Variants in TRPV1 observed in about 807,000 individuals in gnomAD.
TRPV1 encodes OTRPC1.
In TRPV1, 82 loss-of-function variants were observed where a neutral mutation model predicts 82.3. The ratio of observed to expected loss-of-function variants is 1.00; its 90% CI spans 0.83 to 1.20. The LOEUF (loss-of-function observed/expected upper bound fraction) is 1.20, where lower values mean the gene tolerates loss of function less well. Ranked by LOEUF, TRPV1 falls within the 50% of genes most tolerant of loss-of-function variation. The pLI, the probability that TRPV1 is intolerant of heterozygous loss-of-function variation, is 0.00. For synonymous variants in TRPV1, 515 were observed against 467.7 expected (o/e 1.10, Z -1.30); for missense variants, 1,067 against 1,096.8 (o/e 0.97, Z 0.38).
rs977622516 is a variant in TRPV1, at chr17:3,588,183, C to T, written c.1224+5G>A. 1.3e-6 allele frequency: 2 copies of T among 1,554,770 alleles called. No homozygotes were observed. The highest frequency in any genetic ancestry group is 1.4e-5 in the African/African-American group (1 of 73,216). ...GCCCTCCCTGGCTGTGCCCCAGCCA[C>T]TCACAGGGGTCTCGCTGCTGCTGTA... On this transcript the variant is annotated splice_donor_5th_base_variant and intron_variant, in intron 8 of 16. Coordinates refer to ENST00000572705, the MANE Select transcript of TRPV1 (RefSeq NM_080704.4).
rs749057696 is a variant in TRPV1, at chr17:3,592,213, G to A, written c.138C>T (p.Arg46=). 3.3e-5 allele frequency: 53 copies of A among 1,612,760 alleles called. No individual in the cohort carries two copies. Among genetic ancestry groups the A allele is most frequent in the Non-Finnish European group, 4.4e-5 (52 of 1,179,426 alleles). Residue 46 remains arginine, a synonymous_variant, in exon 3 of 17, where the codon CGC becomes CGT. Coordinates refer to ENST00000572705, the MANE Select transcript of TRPV1 (RefSeq NM_080704.4). ...AGTCACCCTTCCCAAAGAGCCGGGT[G>A]CGGCTCTTGGCCGTGGAGAGCTGGG... ...AKPQLSTAKS[R]TRLFGKGDSE...
At chr17:3,582,212 A>AAAAAAAAAAAAAC in intron 10 of TRPV1, among the ~76,000 whole-genome samples, 1 of 147,644 alleles carries the variant, frequency 6.8e-6, no homozygotes, top group Non-Finnish European at 1.5e-5. Flanking sequence ...AAAAAAAAAA[A>AAAAAAAAAAAAAC]AATCACAGTG....
intron 7 of TRPV1, chr17:3,588,829 A>AC (rs2075116606): frequency 1.5e-6 from 2 of 1,369,806 alleles, no homozygotes; most frequent in Non-Finnish European, 9.8e-7. Context: ...AAAAAAAAAA[A>AC]ACAAAACACA....
At chr17:3,588,050 C>T (rs760129022) in intron 8 of TRPV1, 138 bp downstream of exon 8, 14 of 947,950 alleles carry the variant, frequency 1.5e-5, no homozygotes, top group Non-Finnish European at 2.0e-5. Context: ...GAGTGGGGAA[C>T]GTGAGGCTGC....
chr17:3,584,518 C>T (rs1047953873), intron 9 of TRPV1, among the ~76,000 whole-genome samples: 4 of 151,926 alleles, frequency 2.6e-5, no homozygotes, highest in South Asian at 2.1e-4. Context: ...AATGTGCAGC[C>T]GGGCACGGTG....
intron 16 of TRPV1, among the ~76,000 whole-genome samples, chr17:3,568,045 G>A (rs973121017): frequency 1.6e-4 from 24 of 152,268 alleles, no homozygotes; most frequent in Non-Finnish European, 2.6e-4. Context: ...ACTCAAGGCC[G>A]GGCGCGGTGG....
At chr17:3,595,985 T>C (rs2075216319) in intron 2 of TRPV1, among the ~76,000 whole-genome samples, 1 of 152,148 alleles carries the variant, frequency 6.6e-6, no homozygotes, top group South Asian at 2.1e-4. Flanking sequence ...CCCGTGGTGA[T>C]GCACCTGTCA....
Position 3,577,673 on chromosome 17 carries a change from G to C in TRPV1, c.1638C>G (p.Ala546=). The C allele has an allele frequency of 6.3e-7, 1 of 1,588,452 alleles. No individual in the cohort carries two copies. Among genetic ancestry groups the C allele is most frequent in the Non-Finnish European group, 8.6e-7 (1 of 1,167,764 alleles). Residue 546 remains alanine, a synonymous_variant, in exon 12 of 17, where the codon GCC becomes GCG. Transcript: ENST00000572705. ...EYVASMVFSL[A]LGWTNMLYYT... Reference sequence around the variant, plus strand: ...AGTAGAGCATGTTGGTCCAGCCCAAGGCCAGGGAGAATACCATGGAAGCCA... The same window carrying C: ...AGTAGAGCATGTTGGTCCAGCCCAACGCCAGGGAGAATACCATGGAAGCCA...
intron 16 of TRPV1, among the ~76,000 whole-genome samples, chr17:3,569,939 AG>A (rs1201760897): frequency 6.8e-6 from 1 of 146,120 alleles, no homozygotes; most frequent in Admixed American, 6.8e-5. Flanking sequence ...GGAGGGGCCA[AG>A]GGGTCAGGGA....
At position 3,585,925 on chromosome 17, in the gene TRPV1, T is replaced by A; in HGVS notation, c.1226A>T (p.Asn409Ile). ...VIAYSSSETPNRHDMLLVEPL... is the reference protein window; with the variant it reads ...VIAYSSSETPIRHDMLLVEPL... ...CTCCACCAAGAGCATGTCGTGGCGA[T>A]TCTAGGGGGTGGGGAGAGAAGTGAG... Residue 409 changes from asparagine to isoleucine, a missense_variant and splice_region_variant, in exon 9 of 17, where the codon AAT becomes ATT. Transcript: ENST00000572705. 1.2e-6 allele frequency: 2 copies of A among 1,612,236 alleles called. No individual in the cohort carries two copies. The highest frequency in any genetic ancestry group is 1.7e-6 in the Non-Finnish European group (2 of 1,179,576).
rs1170227770 is a variant in TRPV1 at position 3,590,365 on chromosome 17, T to C, written c.632A>G (p.Glu211Gly). 1 of 1,613,844 alleles carries C rather than the reference T, an allele frequency of 6.2e-7. No homozygotes were observed. The highest frequency in any genetic ancestry group is 8.5e-7 in the Non-Finnish European group (1 of 1,179,896). Residue 211 changes from glutamate (E) to glycine (G), a missense_variant, in exon 6 of 17, where the codon GAG becomes GGG. By Grantham distance (98) the Glu-to-Gly change is moderately conservative. Coordinates refer to ENST00000572705, the MANE Select transcript of TRPV1 (RefSeq NM_080704.4). ...GGTCACCAGGGCCATGTTGCGTCTC[T>C]CGATGGCGATGTGCAGTGCTGTCTG... is the stretch of plus-strand genomic sequence containing the variant. The part of the protein sequence containing the change: ...KGQTALHIAI[E>G]RRNMALVTLL...
chr17:3,576,653 GAA>G (rs35781190), intron 13 of TRPV1, among the ~76,000 whole-genome samples: 1 of 41,502 alleles, frequency 2.4e-5, no homozygotes, highest in Non-Finnish European at 4.6e-5. Flanking sequence ...CTCTGTATGA[GAA>G]AAAAAAAAAA....
chr17:3,586,509 C>T (rs1248723738), intron 8 of TRPV1, among the ~76,000 whole-genome samples: 2 of 152,224 alleles, frequency 1.3e-5, no homozygotes, highest in African/African-American at 2.4e-5. Context: ...TAGTGGCTCA[C>T]GCCTGTAATC....
intron 13 of TRPV1, 87 bp downstream of exon 13, chr17:3,577,039 C>A: frequency 7.2e-7 from 1 of 1,388,382 alleles, no homozygotes; most frequent in Non-Finnish European, 9.9e-7. Context: ...CTACCCAGTG[C>A]CTTCTCATTC....
chr17:3,593,607 T>C (rs2075188882), intron 2 of TRPV1, among the ~76,000 whole-genome samples: 1 of 152,018 alleles, frequency 6.6e-6, no homozygotes, highest in South Asian at 2.1e-4. Flanking sequence ...AGATGCTACT[T>C]CCCCTCAGGA....
chr17:3,581,350 A>G (rs2075007102), intron 10 of TRPV1, among the ~76,000 whole-genome samples: 2 of 152,146 alleles, frequency 1.3e-5, no homozygotes, highest in Non-Finnish European at 2.9e-5. Context: ...ACTGTCAGCC[A>G]TGAGTCCTGT....
rs1232952420 is a variant in TRPV1, at chr17:3,572,268, G to A, written c.2104-19C>T. The A allele has an allele frequency of 1.3e-6, 2 of 1,598,874 alleles. No individual in the cohort carries two copies. Among genetic ancestry groups the A allele is most frequent in the Admixed American group, 1.7e-5 (1 of 57,988 alleles). On this transcript the variant is annotated intron_variant, in intron 14 of 16. Coordinates refer to ENST00000572705, the MANE Select transcript of TRPV1 (RefSeq NM_080704.4). Reference sequence around the variant, plus strand: ...TGGCTCTCTGCAGGAAGACACCAAGGGCAGAGGAGCTGAGGGGCAGAGGGT... The same window carrying A: ...TGGCTCTCTGCAGGAAGACACCAAGAGCAGAGGAGCTGAGGGGCAGAGGGT...
At position 3,577,589 on chromosome 17, in the gene TRPV1, G is replaced by A. The variant is rs1342845277; in HGVS notation, c.1713+9C>T. 3 of 1,568,962 alleles carry A rather than the reference G, an allele frequency of 1.9e-6. No homozygotes were observed. The highest frequency in any genetic ancestry group is 2.6e-6 in the Non-Finnish European group (3 of 1,157,168). Reference sequence around the variant, plus strand: ...TCTGAGGAGACCCACTGGGGCCCAGGGAACCCACCTTCTCTATCATGACGG... The same window carrying A: ...TCTGAGGAGACCCACTGGGGCCCAGAGAACCCACCTTCTCTATCATGACGG... On this transcript the variant is annotated intron_variant, in intron 12 of 16. Transcript: ENST00000572705.
chr17:3,590,927 C>T (rs375367396), intron 5 of TRPV1, 37 bp downstream of exon 5: 29 of 1,539,524 alleles, frequency 1.9e-5, no homozygotes, highest in African/African-American at 4.1e-5. Context: ...CCCGGTGCTG[C>T]GGGCTGAGCC....
Sources: allele counts gnomAD v4.1 joint callset (sites outside exome capture counted in the v4.1 genomes callset), GRCh38; gene constraint gnomAD v4.1.1; transcripts MANE v1.5; gene names NCBI Gene and HGNC (gene_info 2026-07-23, HGNC 2026-07-21).